MYO1E: variants seen among roughly 807,000 people sequenced by gnomAD.
MYO1E encodes the protein unconventional myosin-Ie.
Under a neutral mutation model 151.1 loss-of-function variants are expected in MYO1E, and 68 were observed. The ratio of observed to expected loss-of-function variants is 0.45; its 90% CI spans 0.37 to 0.55. The LOEUF is 0.55. Among genes scored for constraint, MYO1E ranks in the 20% least tolerant of loss-of-function variants. MYO1E has a pLI of 0.00. For missense variants in MYO1E, 1,363 were observed against 1,389.3 expected (o/e 0.98, Z 0.30); for synonymous variants, 601 against 501.7 (o/e 1.20, Z -2.64).
chr15:59,212,881 G>A (rs908677345), intron 12 of MYO1E: 1 of 152,174 alleles, frequency 6.6e-6, no homozygotes, highest in Non-Finnish European at 1.5e-5. Flanking sequence ...AGAGACTGGA[G>A]TCAAACTGCC....
intron 16 of MYO1E, among the ~76,000 whole-genome samples, chr15:59,199,307 G>C (rs1319458603): frequency 1.3e-5 from 2 of 152,104 alleles, no homozygotes. Context: ...ATGTTGGCCA[G>C]ACTGACCTCA....
chr15:59,266,878 A>G lies in MYO1E; in HGVS notation c.148-5369T>C, dbSNP rs149960756. 5.3e-3 allele frequency: 800 copies of G among 150,716 alleles called. 4 individuals are homozygous for G. The highest frequency in any genetic ancestry group is 0.011 in the African/African-American group (447 of 41,026). 9.3% of individuals were successfully genotyped at this position (150,716 alleles called of 1,614,324 possible). A position where few individuals can be genotyped will look rare whatever the true frequency, so the allele number is the denominator to read the frequency against. On this transcript the variant is annotated intron_variant, in intron 2 of 27. Coordinates refer to ENST00000288235, the MANE Select transcript of MYO1E (RefSeq NM_004998.4). ...GAGTTTCACCTTGTTAGCCAGGATG[A>G]TCTCGATCTCCTGACCTTGTGATCC...
chr15:59,329,276 C>T (rs2080684685), intron 1 of MYO1E, among the ~76,000 whole-genome samples: 1 of 152,126 alleles, frequency 6.6e-6, no homozygotes, highest in African/African-American at 2.4e-5. Flanking sequence ...CCTCAAGCAA[C>T]ACTATGACGT....
At chr15:59,180,661 T>G (rs561425342) in intron 18 of MYO1E, among the ~76,000 whole-genome samples, 1 of 152,200 alleles carries the variant, frequency 6.6e-6, no homozygotes, top group African/African-American at 2.4e-5. Flanking sequence ...CTTCCTTTGC[T>G]TCCATGAAGC....
Position 59,153,445 on chromosome 15 carries a change from C to G in MYO1E, c.3080+145G>C, listed in dbSNP as rs1278023905. The G allele has an allele frequency of 4.9e-6, 4 of 811,812 alleles. No individual in the cohort carries two copies. The South Asian group carries it at 6.3e-5, about 13-fold the overall frequency. 50.3% of individuals were successfully genotyped at this position (811,812 alleles called of 1,614,324 possible). ...CAAATAACCAGCCACAGCCCCACAGCCTTGGGTCCTGGCATATAGCACTGA... is the reference window on the plus strand; with the variant it reads ...CAAATAACCAGCCACAGCCCCACAGGCTTGGGTCCTGGCATATAGCACTGA... On this transcript the variant is annotated intron_variant, in intron 26 of 27. Transcript: ENST00000288235.
rs1213538263 is a variant in MYO1E at position 59,350,954 on chromosome 15, T to A, written c.3+21544A>T. ...CTCTGTCACCCAGGCTGGCGTGCAG[T>A]GGCGCGATCTCGGCTCAATGCAAGC... On this transcript the variant is annotated intron_variant, in intron 1 of 27. Coordinates refer to ENST00000288235, the MANE Select transcript of MYO1E (RefSeq NM_004998.4). The surrounding 1 kb of genome is among the most constrained non-coding windows in gnomAD (Gnocchi z 5.0). 4.6e-5 allele frequency among the ~76,000 whole-genome samples: 7 copies of A among 152,244 alleles called. No individual in the cohort carries two copies. Among genetic ancestry groups the A allele is most frequent in the African/African-American group, 1.7e-4 (7 of 41,464 alleles).
intron 26 of MYO1E, among the ~76,000 whole-genome samples, chr15:59,139,922 C>G (rs1394444756): frequency 6.6e-6 from 1 of 151,882 alleles, no homozygotes; most frequent in Non-Finnish European, 1.5e-5. Context: ...CTCCTCAGGT[C>G]TCCTTCCCAT....
chr15:59,141,457 TTATAC>T (rs2079408647), intron 26 of MYO1E, among the ~76,000 whole-genome samples: 1 of 152,234 alleles, frequency 6.6e-6, no homozygotes, highest in Non-Finnish European at 1.5e-5. Flanking sequence ...TAAATAGTTG[TTATAC>T]TATATTGTTT....
chr15:59,171,509 G>A (rs571710810), intron 22 of MYO1E, among the ~76,000 whole-genome samples: 2 of 152,308 alleles, frequency 1.3e-5, no homozygotes, highest in Non-Finnish European at 2.9e-5. Flanking sequence ...TCTGCTCAGG[G>A]AAATGGGTGA....
At chr15:59,255,892 A>G (rs568255387) in intron 4 of MYO1E, among the ~76,000 whole-genome samples, 11 of 152,314 alleles carry the variant, frequency 7.2e-5, no homozygotes, top group African/African-American at 2.6e-4. Flanking sequence ...GTGGCTACAG[A>G]CACCTAATGC....
At chr15:59,338,179 G>GAATA (rs2080741213) in intron 1 of MYO1E, among the ~76,000 whole-genome samples, 1 of 149,864 alleles carries the variant, frequency 6.7e-6, no homozygotes, top group African/African-American at 2.5e-5. Context: ...AAACAAAAAT[G>GAATA]AATAGATTGC....
At chr15:59,341,216 A>G (rs991941899) in intron 1 of MYO1E, 1 of 152,192 alleles carries the variant, frequency 6.6e-6, no homozygotes, top group Non-Finnish European at 1.5e-5. Flanking sequence ...GTTTCAAAAA[A>G]TCCAGTAATA....
chr15:59,283,574 G>C (rs1356324827), intron 1 of MYO1E, among the ~76,000 whole-genome samples: 1 of 152,190 alleles, frequency 6.6e-6, no homozygotes, highest in Admixed American at 6.5e-5. Context: ...CAGCCCCCAA[G>C]TATTTGTTGA....
intron 1 of MYO1E, among the ~76,000 whole-genome samples, chr15:59,285,464 TCTC>T (rs2080382065): frequency 6.6e-6 from 1 of 150,468 alleles, no homozygotes; most frequent in Admixed American, 6.7e-5. Flanking sequence ...TTCACGCCAT[TCTC>T]CTGCCTCAGC....
intron 16 of MYO1E, among the ~76,000 whole-genome samples, chr15:59,197,295 C>G (rs1300659981): frequency 6.6e-6 from 1 of 152,046 alleles, no homozygotes; most frequent in Non-Finnish European, 1.5e-5. Context: ...GCCCAGCCTA[C>G]AACTTTTAAT....
At chr15:59,193,302 ATGAT>A (rs1413325253) in intron 17 of MYO1E, among the ~76,000 whole-genome samples, 1 of 152,186 alleles carries the variant, frequency 6.6e-6, no homozygotes, top group Non-Finnish European at 1.5e-5. Flanking sequence ...TGTTTTCTGT[ATGAT>A]TGATTGATTG....
At chr15:59,185,556 C>T (rs2079690904) in intron 18 of MYO1E, among the ~76,000 whole-genome samples, 3 of 152,132 alleles carry the variant, frequency 2.0e-5, no homozygotes, top group South Asian at 2.1e-4. Flanking sequence ...TGTGAGCCAC[C>T]GTGCCCGGCC....
intron 7 of MYO1E, among the ~76,000 whole-genome samples, chr15:59,226,891 G>A (rs1278652289): frequency 6.6e-6 from 1 of 152,206 alleles, no homozygotes; most frequent in African/African-American, 2.4e-5. Context: ...CCTGCAAGCT[G>A]CTCTGGCCCC....
chr15:59,301,110 C>T (rs545798066), intron 1 of MYO1E, among the ~76,000 whole-genome samples: 2 of 152,154 alleles, frequency 1.3e-5, no homozygotes, highest in South Asian at 2.1e-4. Context: ...TCAGGTGATA[C>T]GTCTGCCTCG....
Sources: gnomAD v4.1 joint callset for allele counts (sites outside exome capture counted in the v4.1 genomes callset) on GRCh38, gnomAD v4.1.1 for gene constraint, Gnocchi (gnomAD v3.1) non-coding constraint, MANE v1.5 for transcripts, NCBI Gene and HGNC (gene_info 2026-07-23, HGNC 2026-07-21) for gene names.